Variants in CNST observed in about 807,000 individuals in gnomAD.
CNST encodes the protein consortin.
A neutral mutation model predicts 72.4 loss-of-function variants in CNST; 39 were observed. That is an observed-to-expected ratio of 0.54 (90% CI 0.42 to 0.70). The LOEUF (loss-of-function observed/expected upper bound fraction) is 0.70, where lower values mean the gene tolerates loss of function less well. Among genes scored for constraint, CNST ranks in the 30% least tolerant of loss-of-function variants. The pLI is 0.00. For missense variants in CNST, 871 were observed against 868.5 expected (o/e 1.00, Z -0.04); for synonymous variants, 332 against 320.1 (o/e 1.04, Z -0.40).
chr1:246,626,121 C>G (rs1252433522), intron 3 of CNST, among the ~76,000 whole-genome samples: 2 of 151,828 alleles, frequency 1.3e-5, no homozygotes, highest in African/African-American at 4.8e-5. Context: ...ATCATCACGG[C>G]TCACTGCAGC....
intron 1 of CNST, among the ~76,000 whole-genome samples, chr1:246,584,830 G>C (rs1357740360): frequency 1.3e-5 from 2 of 152,128 alleles, no homozygotes; most frequent in Non-Finnish European, 2.9e-5. Context: ...GATCTCCTAT[G>C]AGTCTGTTTC....
chr1:246,637,587 A>G (rs1373637052), intron 6 of CNST, among the ~76,000 whole-genome samples: 3 of 152,218 alleles, frequency 2.0e-5, no homozygotes, highest in Admixed American at 1.3e-4. Context: ...GAGATTTCTC[A>G]TCCACGACTG....
At chr1:246,634,700 G>A in intron 6 of CNST, 113 bp downstream of exon 6, 1 of 657,746 alleles carries the variant, frequency 1.5e-6, no homozygotes. Context: ...AATTAAGATG[G>A]ATATAATATA....
At position 246,591,939 on chromosome 1, in the gene CNST, C is replaced by A. The variant is rs1572139043; in HGVS notation, c.377C>A (p.Pro126Gln). 1 of 1,599,838 alleles carries A rather than the reference C, an allele frequency of 6.3e-7. No individual in the cohort carries two copies. The change falls in exon 2 of 11, where the codon CCA (proline) becomes CAA (glutamine). Residue 126 changes from proline (P) to glutamine (Q), a missense_variant and splice_region_variant. Coordinates refer to ENST00000366513, the MANE Select transcript of CNST (RefSeq NM_152609.3). ...SKKGTAKKIP[P>Q]GLFSGDIAPL... ...AAAGGGACTGCTAAGAAGATACCAC[C>A]AGGTATTGTTTAAAATAGTATTTAT...
In CNST at chr1:246,645,586, C is replaced by T. The variant is rs1211286535; in HGVS notation, c.938-1553C>T. Among the ~76,000 whole-genome samples, 13 of 151,906 alleles carry T rather than the reference C, an allele frequency of 8.6e-5. 1 individual carries two copies. Among genetic ancestry groups the T allele is most frequent in the Non-Finnish European group, 1.9e-4 (13 of 68,002 alleles). On this transcript the variant is annotated intron_variant, in intron 8 of 10. Transcript: ENST00000366513. ...GGGACTACAGGCGCCCGCCACCGCG[C>T]CCGGCTAATTTTTTGTGTTTTTAGT...
At chr1:246,577,322 AGCCTCTT>A (rs1403416208) in intron 1 of CNST, among the ~76,000 whole-genome samples, 7 of 151,946 alleles carry the variant, frequency 4.6e-5, no homozygotes, top group African/African-American at 1.7e-4. Flanking sequence ...CTCCCTTTAT[AGCCTCTT>A]CCTACTGGTA....
Position 246,641,983 on chromosome 1 carries a change from C to A in CNST, c.883C>A (p.Gln295Lys), listed in dbSNP as rs1175776676. The change falls in exon 8 of 11, where the codon CAG (glutamine) becomes AAG (lysine). Residue 295 changes from glutamine to lysine, a missense_variant. By Grantham distance (53) the Gln-to-Lys change is moderately conservative. Coordinates refer to ENST00000366513, the MANE Select transcript of CNST (RefSeq NM_152609.3). ...GTCCCAGGAAAGGAAATGCTCCACG[C>A]AGTTACTAGTGTCTGAAGATCCAAA... ...EKSQERKCST[Q>K]LLVSEDPKEG... is the part of the protein sequence containing the mutation. The A allele has an allele frequency of 2.5e-6, 4 of 1,612,746 alleles. No individual in the cohort carries two copies. In the African/African-American group the frequency reaches 5.3e-5, roughly 22 times the overall value.
intron 2 of CNST, among the ~76,000 whole-genome samples, chr1:246,597,089 T>C (rs1303062846): frequency 6.6e-5 from 10 of 152,168 alleles, no homozygotes; most frequent in Admixed American, 6.5e-4. Flanking sequence ...AATTGCTGGA[T>C]CATATGGTAA....
At chr1:246,616,743 C>T (rs760095660) in intron 2 of CNST, among the ~76,000 whole-genome samples, 14 of 151,782 alleles carry the variant, frequency 9.2e-5, no homozygotes, top group Non-Finnish European at 1.9e-4. Context: ...TTAGTAGACA[C>T]GGGGTTTTAC....
At chr1:246,655,818 G>A (rs1261261679) in intron 9 of CNST, among the ~76,000 whole-genome samples, 1 of 152,144 alleles carries the variant, frequency 6.6e-6, no homozygotes, top group Admixed American at 6.5e-5. Context: ...TGGCCTCTTC[G>A]TCTGCAAAAT....
rs773461013 is a variant in CNST, at chr1:246,647,523, G to C, written c.1322G>C (p.Arg441Pro). ...TEPLISPGCD[R>P]IPPALISEGK... Reference sequence around the variant, plus strand: ...CCGTTGATTTCACCAGGCTGTGACCGTATACCTCCTGCATTGATTTCTGAG... The same window carrying C: ...CCGTTGATTTCACCAGGCTGTGACCCTATACCTCCTGCATTGATTTCTGAG... The change falls in exon 9 of 11, where the codon CGT becomes CCT. Residue 441 changes from arginine (R) to proline (P), a missense_variant. Arg to Pro is a moderately radical substitution (Grantham distance 103, BLOSUM62 -2). Transcript: ENST00000366513. 10 of 1,614,020 alleles carry C rather than the reference G, an allele frequency of 6.2e-6. No homozygotes were observed. The highest frequency in any genetic ancestry group is 8.5e-6 in the Non-Finnish European group (10 of 1,180,034).
chr1:246,648,985 A>G (rs906946302), intron 9 of CNST, among the ~76,000 whole-genome samples: 1 of 152,218 alleles, frequency 6.6e-6, no homozygotes, highest in Non-Finnish European at 1.5e-5. Context: ...CTATATTACT[A>G]GCTCCCTTTA....
At chr1:246,604,454 C>T (rs1302756414) in intron 2 of CNST, among the ~76,000 whole-genome samples, 2 of 152,174 alleles carry the variant, frequency 1.3e-5, no homozygotes, top group African/African-American at 4.8e-5. Flanking sequence ...TCAGGGTTAA[C>T]CCCTGGGCTT....
chr1:246,642,132 GGTTTTTTTTTTTT>G lies in CNST; in HGVS notation c.937+96_937+108del. 3 of 196,962 alleles carry G rather than the reference GGTTTTTTTTTTTT, an allele frequency of 1.5e-5. No homozygotes were observed. The South Asian group carries it at 2.9e-4, about 19-fold the overall frequency. 12.2% of individuals were successfully genotyped at this position (196,962 alleles called of 1,614,324 possible). A position where few individuals can be genotyped will look rare whatever the true frequency, so the allele number is the denominator to read the frequency against. On this transcript the variant is annotated intron_variant, in intron 8 of 10. Transcript: ENST00000366513. ...ACATCTGAATTGCTGCAAAGGATCT[GGTTTTTTTTTTTT>G]TTTTTTTTTGCACTTACATTTTTGT... is the stretch of plus-strand genomic sequence containing the variant.
At chr1:246,586,813 A>T (rs1053052416) in intron 1 of CNST, among the ~76,000 whole-genome samples, 1 of 152,150 alleles carries the variant, frequency 6.6e-6, no homozygotes, top group Non-Finnish European at 1.5e-5. Flanking sequence ...ACATCTCAAG[A>T]TATTGGAAAT....
At chr1:246,635,355 C>G (rs1572213502) in intron 6 of CNST, among the ~76,000 whole-genome samples, 1 of 151,804 alleles carries the variant, frequency 6.6e-6, no homozygotes. Context: ...TGGGATACCA[C>G]AGGGGAGAAA....
At chr1:246,630,525 G>C (rs1244139704) in intron 3 of CNST, among the ~76,000 whole-genome samples, 1 of 152,158 alleles carries the variant, frequency 6.6e-6, no homozygotes, top group Non-Finnish European at 1.5e-5. Context: ...TGTCACATTT[G>C]TAGGATTTAA....
At chr1:246,604,263 A>C (rs574412414) in intron 2 of CNST, among the ~76,000 whole-genome samples, 2 of 149,472 alleles carry the variant, frequency 1.3e-5, no homozygotes, top group South Asian at 4.3e-4. Flanking sequence ...CAAAAAAAAG[A>C]AAAAAAAAAG....
At chr1:246,638,063 G>A (rs1172653071) in intron 6 of CNST, among the ~76,000 whole-genome samples, 1 of 152,152 alleles carries the variant, frequency 6.6e-6, no homozygotes, top group East Asian at 1.9e-4. Context: ...GAACGCGGCT[G>A]GAAAGGTGAG....
Sources: gnomAD v4.1 joint callset for allele counts (sites outside exome capture counted in the v4.1 genomes callset) on GRCh38, gnomAD v4.1.1 for gene constraint, MANE v1.5 for transcripts, NCBI Gene and HGNC (gene_info 2026-07-23, HGNC 2026-07-21) for gene names.